Variants in CACNA1D observed in about 807,000 individuals in gnomAD.
CACNA1D encodes the protein voltage-dependent L-type calcium channel subunit alpha-1D.
In CACNA1D, 55 loss-of-function variants were observed where a neutral mutation model predicts 257.1. The observed-to-expected ratio is 0.21, with a 90% confidence interval of 0.17 to 0.27. CACNA1D has a LOEUF of 0.27. Ranked by LOEUF, CACNA1D falls within the 10% of genes least tolerant of loss-of-function variation. The pLI, the probability that CACNA1D is intolerant of heterozygous loss-of-function variation, is 1.00. For synonymous variants in CACNA1D, 980 were observed against 1,014.9 expected (o/e 0.97, Z 0.65); for missense variants, 1,876 against 2,784.0 (o/e 0.67, Z 7.34).
chr3:53,673,232 T>G lies in CACNA1D; in HGVS notation c.1220+106T>G, dbSNP rs2094342870. On this transcript the variant is annotated intron_variant, in intron 8 of 47. Transcript: ENST00000350061. This position sits in a 1 kb window ranked among gnomAD's most constrained non-coding sequence, Gnocchi z 4.1. ...CGCCAAGAGGGGTTGCCAGACATTT[T>G]ATGTGTCCTCTGAGATGCTTTCTTT... is the stretch of plus-strand genomic sequence containing the variant. 1 of 724,654 alleles carries G rather than the reference T, an allele frequency of 1.4e-6. No individual in the cohort carries two copies. Among genetic ancestry groups the G allele is most frequent in the African/African-American group, 1.8e-5 (1 of 56,406 alleles). The allele number at this position is 724,654 out of a possible 1,614,324, so 44.9% of individuals were successfully genotyped here.
intron 3 of CACNA1D, among the ~76,000 whole-genome samples, chr3:53,520,708 G>A (rs2091520818): frequency 6.6e-6 from 1 of 151,902 alleles, no homozygotes; most frequent in Non-Finnish European, 1.5e-5. Flanking sequence ...GGAGGTTGCA[G>A]TGAGCCTAGA....
At chr3:53,659,984 C>T (rs2094187448) in intron 4 of CACNA1D, 149 bp from the exon 5 acceptor site, 1 of 610,398 alleles carries the variant, frequency 1.6e-6, no homozygotes, top group Non-Finnish European at 2.8e-6. Context: ...TATTCCAATT[C>T]CACAGCCCAG....
At chr3:53,690,121 T>C (rs2094506341) in intron 8 of CACNA1D, among the ~76,000 whole-genome samples, 1 of 152,176 alleles carries the variant, frequency 6.6e-6, no homozygotes, top group Non-Finnish European at 1.5e-5. Context: ...AGCTAGTAAG[T>C]AGTTAAACTA....
intron 3 of CACNA1D, among the ~76,000 whole-genome samples, chr3:53,526,102 G>A (rs2091753922): frequency 6.6e-6 from 1 of 152,152 alleles, no homozygotes; most frequent in African/African-American, 2.4e-5. Flanking sequence ...AGTCCTTCCA[G>A]ATGGAGTCTT....
chr3:53,592,357 A>G (rs1309385009), intron 3 of CACNA1D, among the ~76,000 whole-genome samples: 1 of 151,738 alleles, frequency 6.6e-6, no homozygotes, highest in Non-Finnish European at 1.5e-5. Flanking sequence ...TGTGTGGGGG[A>G]AGGAGATGTT....
intron 8 of CACNA1D, among the ~76,000 whole-genome samples, chr3:53,682,365 T>TAAAAAAAAAAAAAAACAA (rs2094437939): frequency 1.1e-4 from 5 of 47,386 alleles, no homozygotes; most frequent in Non-Finnish European, 1.9e-4. Flanking sequence ...TTGTCTCTGG[T>TAAAAAAAAAAAAAAACAA]AAAAAAAAAA....
chr3:53,792,341 A>C (rs2095487569), intron 40 of CACNA1D: 1 of 152,220 alleles, frequency 6.6e-6, no homozygotes, highest in African/African-American at 2.4e-5. Context: ...TCTGATGCTG[A>C]GCCCAAGACA....
chr3:53,499,073 G>A (rs2090472065), intron 2 of CACNA1D, among the ~76,000 whole-genome samples: 1 of 152,128 alleles, frequency 6.6e-6, no homozygotes, highest in African/African-American at 2.4e-5. Flanking sequence ...ACCTCTTTGT[G>A]GGGTCACTAC....
chr3:53,797,083 C>CT (rs530574155), intron 40 of CACNA1D, among the ~76,000 whole-genome samples: 2 of 151,868 alleles, frequency 1.3e-5, no homozygotes, highest in Non-Finnish European at 2.9e-5. Context: ...AAAAAATGTT[C>CT]TTTTTTTTAG....
intron 3 of CACNA1D, among the ~76,000 whole-genome samples, chr3:53,558,754 G>A (rs1337728683): frequency 6.6e-6 from 1 of 151,992 alleles, no homozygotes; most frequent in African/African-American, 2.4e-5. Flanking sequence ...TCTTCTCTAT[G>A]CTGTATGTTG....
At chr3:53,599,792 C>G (rs766318893) in intron 3 of CACNA1D, among the ~76,000 whole-genome samples, 28 of 152,310 alleles carry the variant, frequency 1.8e-4, no homozygotes, top group South Asian at 8.3e-4. Context: ...CCTCTCTGCT[C>G]CACCCACGGC....
intron 3 of CACNA1D, among the ~76,000 whole-genome samples, chr3:53,521,475 CG>C (rs1318348979): frequency 2.6e-5 from 4 of 152,130 alleles, no homozygotes; most frequent in Non-Finnish European, 5.9e-5. Context: ...GTCGGAGTAA[CG>C]GGAGGCACTG....
chr3:53,781,290 A>C lies in CACNA1D; in HGVS notation c.4691-276A>C, dbSNP rs56396447. ...GCAAGTAGTAGGTCTCAGCTGTGGGAGGGCAGGATGGAATCAGAGTGGGAC... is the reference window on the plus strand; with the variant it reads ...GCAAGTAGTAGGTCTCAGCTGTGGGCGGGCAGGATGGAATCAGAGTGGGAC... On this transcript the variant is annotated intron_variant, in intron 38 of 47. Coordinates refer to ENST00000350061, the MANE Select transcript of CACNA1D (RefSeq NM_001128840.3). Among the ~76,000 whole-genome samples the C allele has an allele frequency of 0.015, 2,230 of 152,218 alleles. 44 individuals are homozygous for C. The highest frequency in any genetic ancestry group is 0.051 in the African/African-American group (2,113 of 41,512).
intron 42 of CACNA1D, among the ~76,000 whole-genome samples, chr3:53,801,725 CAG>C (rs959394237): frequency 5.3e-5 from 8 of 152,180 alleles, no homozygotes; most frequent in Non-Finnish European, 7.3e-5. Context: ...TACTGTGCGA[CAG>C]GGGTTGGTGA....
At chr3:53,758,743 A>G (rs2095282214) in intron 29 of CACNA1D, among the ~76,000 whole-genome samples, 1 of 152,170 alleles carries the variant, frequency 6.6e-6, no homozygotes, top group African/African-American at 2.4e-5. Context: ...TATAGATTTG[A>G]CTGCTGGTTC....
intron 3 of CACNA1D, among the ~76,000 whole-genome samples, chr3:53,517,328 C>G (rs1275681177): frequency 3.3e-5 from 5 of 152,082 alleles, no homozygotes; most frequent in Non-Finnish European, 7.3e-5. Context: ...GCCAGCACAG[C>G]TATGGTGATT....
chr3:53,573,407 G>A (rs369315017), intron 3 of CACNA1D, among the ~76,000 whole-genome samples: 4 of 152,038 alleles, frequency 2.6e-5, no homozygotes, highest in African/African-American at 4.8e-5. Context: ...GTACTTGCTC[G>A]GCCTTCTTTT....
At chr3:53,726,413 G>A (rs960564218) in intron 14 of CACNA1D, among the ~76,000 whole-genome samples, 2 of 151,078 alleles carry the variant, frequency 1.3e-5, no homozygotes, top group Admixed American at 6.6e-5. Context: ...TGAAGTGGGC[G>A]GAACACTTGA....
intron 3 of CACNA1D, among the ~76,000 whole-genome samples, chr3:53,569,058 T>C (rs917739752): frequency 6.6e-6 from 1 of 152,184 alleles, no homozygotes; most frequent in African/African-American, 2.4e-5. Flanking sequence ...ACTTTCCTGG[T>C]GTTCCCCCCA....
Sources: gnomAD v4.1 joint callset for allele counts (sites outside exome capture counted in the v4.1 genomes callset) on GRCh38, gnomAD v4.1.1 for gene constraint, Gnocchi (gnomAD v3.1) non-coding constraint, MANE v1.5 for transcripts, NCBI Gene and HGNC (gene_info 2026-07-23, HGNC 2026-07-21) for gene names.